The following HELZ variants were observed in gnomAD, a reference collection of about 807,000 sequenced individuals.
The protein encoded by HELZ is helicase with zinc finger.
Under a neutral mutation model 218.2 loss-of-function variants are expected in HELZ, and 23 were observed. The observed-to-expected ratio is 0.11, with a 90% CI of 0.08 to 0.15. The LOEUF (loss-of-function observed/expected upper bound fraction) is 0.15. Among genes scored for constraint, HELZ ranks in the 10% least tolerant of loss-of-function variants. The pLI is 1.00. For missense variants in HELZ, 1,813 were observed against 2,353.7 expected (o/e 0.77, Z 4.75); for synonymous variants, 814 against 829.4 (o/e 0.98, Z 0.32).
Position 67,107,523 on chromosome 17 carries a change from G to A in HELZ, c.4887C>T (p.Ser1629=), listed in dbSNP as rs2037143527. Residue 1629 remains serine (S), a synonymous_variant, in exon 31 of 33, where the codon AGC becomes AGT. Coordinates refer to ENST00000358691, the MANE Select transcript of HELZ (RefSeq NM_014877.4). ...PSPPSSTDHS[S]HFSNFNDNSR... ...TGTTATCATTAAAGTTAGAAAAGTG[G>A]CTACTGTGGTCTGTACTGGATGGGG... 6.2e-7 allele frequency: 1 copy of A among 1,614,008 alleles called. No individual in the cohort carries two copies. The highest frequency in any genetic ancestry group is 1.1e-5 in the South Asian group (1 of 91,080).
Position 67,074,974 on chromosome 17 carries a change from G to A in HELZ, c.*3278C>T, listed in dbSNP as rs998012537. The A allele has an allele frequency of 2.0e-5, 3 of 151,996 alleles. No individual in the cohort carries two copies. The highest frequency in any genetic ancestry group is 4.4e-5 in the Non-Finnish European group (3 of 67,968). 9.4% of individuals were successfully genotyped at this position (151,996 alleles called of 1,614,324 possible). ...AAATTAAGGTCATGTTAGTTTAAAT[G>A]GTCAATAATTAACTACTGATTAATC... On this transcript the variant is annotated 3_prime_UTR_variant, in exon 33 of 33. Coordinates refer to ENST00000358691, the MANE Select transcript of HELZ (RefSeq NM_014877.4).
In HELZ at chr17:67,123,157, T is replaced by C. The variant is rs2037670984; in HGVS notation, c.3443A>G (p.Gln1148Arg). ...NDHFQNDGIV[Q>R]PNPSVLIGNP... ...GCCAATAAGTACAGAAGGATTGGGC[T>C]GAACTGAAAAATAAACAGAAAAAGG... The change falls in exon 26 of 33, where the codon CAG becomes CGG. Residue 1148 changes from glutamine (Q) to arginine (R), a missense_variant. Transcript: ENST00000358691. 2.5e-6 allele frequency: 4 copies of C among 1,603,586 alleles called. No individual in the cohort carries two copies. Among genetic ancestry groups the C allele is most frequent in the Non-Finnish European group, 3.4e-6 (4 of 1,172,774 alleles).
chr17:67,207,310 C>T (rs2040332245), intron 5 of HELZ, among the ~76,000 whole-genome samples: 1 of 150,014 alleles, frequency 6.7e-6, no homozygotes, highest in Non-Finnish European at 1.5e-5. Flanking sequence ...ACCACCGCCT[C>T]CTCAGTTCAA....
chr17:67,188,395 G>A lies in HELZ; in HGVS notation c.1086C>T (p.Arg362=). 6.2e-7 allele frequency: 1 copy of A among 1,613,904 alleles called. No individual in the cohort carries two copies. Residue 362 remains arginine, a synonymous_variant, in exon 12 of 33, where the codon CGC becomes CGT. Transcript: ENST00000358691. This position sits in a 1 kb window ranked among gnomAD's most constrained non-coding sequence, Gnocchi z 4.1. ...ATCCAAAGTCGAAAACTATGGTTTG[G>A]CGAAAAGTTCCAAATATTTCTGTGT... The part of the protein sequence containing the change: ...AFNTEIFGTF[R]QTIVFDFGLE...
intron 4 of HELZ, among the ~76,000 whole-genome samples, chr17:67,217,230 C>T (rs928441804): frequency 6.6e-6 from 1 of 152,198 alleles, no homozygotes; most frequent in African/African-American, 2.4e-5. Flanking sequence ...AAACATCATT[C>T]TTCCAATTGC....
At chr17:67,131,648 G>C (rs985585609) in intron 23 of HELZ, among the ~76,000 whole-genome samples, 1 of 151,808 alleles carries the variant, frequency 6.6e-6, no homozygotes, top group African/African-American at 2.4e-5. Flanking sequence ...TTCAGTAGCT[G>C]TGTGACTTCG....
chr17:67,245,547 C>T (rs896450232), upstream of HELZ: 37 of 981,758 alleles, frequency 3.8e-5, no homozygotes, highest in Non-Finnish European at 4.1e-5. Context: ...CGGCGCGGCG[C>T]GGAGCTGCTC....
chr17:67,205,733 G>T (rs911342430), intron 5 of HELZ, among the ~76,000 whole-genome samples: 1 of 152,190 alleles, frequency 6.6e-6, no homozygotes, highest in South Asian at 2.1e-4. Context: ...AGGTTTCATA[G>T]ATCTTTGGTT....
chr17:67,244,527 T>C, intron 1 of HELZ: 2 of 880,060 alleles, frequency 2.3e-6, no homozygotes, highest in Non-Finnish European at 2.7e-6. Context: ...AAAGAGAGCC[T>C]ATCTTTATTT....
intron 25 of HELZ, 25 bp downstream of exon 25, chr17:67,123,938 T>G (rs780624637): frequency 5.2e-5 from 82 of 1,577,790 alleles, no homozygotes; most frequent in Non-Finnish European, 7.1e-5. Flanking sequence ...AAAGCAAGTT[T>G]TCATAGGGTA....
In HELZ at chr17:67,178,294, G is replaced by A. The variant is rs368918481; in HGVS notation, c.1430+365C>T. 1.5e-4 allele frequency among the ~76,000 whole-genome samples: 23 copies of A among 152,048 alleles called. No individual in the cohort carries two copies. The East Asian group carries it at 4.1e-3, about 27-fold the overall frequency. On this transcript the variant is annotated intron_variant, in intron 13 of 32. Coordinates refer to ENST00000358691, the MANE Select transcript of HELZ (RefSeq NM_014877.4). ...CTTTTCAAAATATGTGGTCTCTTTC[G>A]GTTGTTGTATATCTGTTCAACAAAT... is the stretch of plus-strand genomic sequence containing the variant.
chr17:67,223,844 G>C (rs2040817876), intron 3 of HELZ, among the ~76,000 whole-genome samples: 1 of 152,194 alleles, frequency 6.6e-6, no homozygotes, highest in South Asian at 2.1e-4. Context: ...CTGACTTGGA[G>C]GATGTGACTT....
chr17:67,129,049 T>C (rs1013188099), intron 23 of HELZ, among the ~76,000 whole-genome samples, 194 bp from the exon 24 acceptor site: 2 of 152,190 alleles, frequency 1.3e-5, no homozygotes, highest in African/African-American at 4.8e-5. Context: ...ACTACAGTCA[T>C]ACCTTGTATT....
Position 67,194,009 on chromosome 17 carries a change from G to C in HELZ, c.515C>G (p.Pro172Arg). The C allele has an allele frequency of 6.2e-7, 1 of 1,613,612 alleles. No individual in the cohort carries two copies. The highest frequency in any genetic ancestry group is 8.5e-7 in the Non-Finnish European group (1 of 1,179,848). The change falls in exon 9 of 33, where the codon CCT (proline) becomes CGT (arginine). Residue 172 changes from proline (P) to arginine (R), a missense_variant. Pro to Arg is a moderately radical substitution (Grantham distance 103, BLOSUM62 -2). This residue lies in a region of HELZ where 714 missense variants were observed against 1,029.2 expected (regional missense o/e 0.69). Coordinates refer to ENST00000358691, the MANE Select transcript of HELZ (RefSeq NM_014877.4). The stretch of plus-strand genomic sequence containing the variant: ...TTCCTCGCTGCTTGTGATTCCCCTA[G>C]GTGGTGGGCGGAAATGCCAACCATT... ...SCNGWHFRPPPRGITSSEEYT... is the reference protein window; with the variant it reads ...SCNGWHFRPPRRGITSSEEYT...
intron 3 of HELZ, among the ~76,000 whole-genome samples, chr17:67,232,099 GTATCTCCAGGTGATGCTATTACAGC>G (rs1240139863): frequency 6.6e-6 from 1 of 150,460 alleles, no homozygotes; most frequent in Non-Finnish European, 1.5e-5. Context: ...ATAAAACTGG[GTATCTCCAGGTGATGCTATTACAGC>G]TTTTTTATTC....
Position 67,128,803 on chromosome 17 carries a change from C to T in HELZ, c.3235G>A (p.Gly1079Arg). Residue 1079 changes from glycine to arginine, a missense_variant, in exon 24 of 33, where the codon GGA (glycine) becomes AGA (arginine). Gly to Arg is a moderately radical substitution (Grantham distance 125). Around this residue, in one of 4 missense-constraint regions of HELZ, gnomAD observed 156 missense variants for 274.4 expected, o/e 0.57. Coordinates refer to ENST00000358691, the MANE Select transcript of HELZ (RefSeq NM_014877.4). ...GCTTTGATCTGTTCAAAAGTGATTC[C>T]ATGTAGGCTACTGTTTTCATGACAC... is the stretch of plus-strand genomic sequence containing the variant. The part of the protein sequence containing the change: ...ALCHENSSLH[G>R]ITFEQIKAQL... The T allele has an allele frequency of 6.2e-7, 1 of 1,614,094 alleles. No homozygotes were observed. Among genetic ancestry groups the T allele is most frequent in the Non-Finnish European group, 8.5e-7 (1 of 1,179,992 alleles).
rs762862282 is a variant in HELZ at position 67,215,881 on chromosome 17, T to A, written c.247+18A>T. The stretch of plus-strand genomic sequence containing the variant: ...ACATTGTTCAATTCAATAATTCGAG[T>A]CTCATTTTTAAACATACCATGTCTA... On this transcript the variant is annotated intron_variant, in intron 5 of 32. Transcript: ENST00000358691. 1 of 1,501,756 alleles carries A rather than the reference T, an allele frequency of 6.7e-7. No individual in the cohort carries two copies. Among genetic ancestry groups the A allele is most frequent in the Admixed American group, 1.7e-5 (1 of 58,430 alleles). The allele number at this position is 1,501,756 out of a possible 1,614,324, so 93.0% of individuals were successfully genotyped here. A position where few individuals can be genotyped will look rare whatever the true frequency, so the allele number is the denominator to read the frequency against.
At chr17:67,127,664 A>G (rs1266669873) in intron 24 of HELZ, among the ~76,000 whole-genome samples, 1 of 152,166 alleles carries the variant, frequency 6.6e-6, no homozygotes, top group Non-Finnish European at 1.5e-5. Flanking sequence ...CCTGGGCAAC[A>G]TGCTAAACCT....
chr17:67,081,830 A>G (rs1470397934), intron 32 of HELZ, among the ~76,000 whole-genome samples: 2 of 152,214 alleles, frequency 1.3e-5, no homozygotes, highest in Admixed American at 6.5e-5. Context: ...AGGTACAGAC[A>G]GAGAGGGAAA....
Sources: gnomAD v4.1 joint callset for allele counts (sites outside exome capture counted in the v4.1 genomes callset) on GRCh38, gnomAD v4.1.1 for gene constraint, gnomAD v4.1.1 regional missense constraint, Gnocchi (gnomAD v3.1) non-coding constraint, MANE v1.5 for transcripts, NCBI Gene and HGNC (gene_info 2026-07-23, HGNC 2026-07-21) for gene names.